Variants in AK5 observed in about 807,000 individuals in gnomAD.
The protein encoded by AK5 is adenylate kinase 5.
In AK5, 27 loss-of-function variants were observed where a neutral mutation model predicts 69.5. That is an observed-to-expected ratio of 0.39 (90% CI 0.29 to 0.54). AK5 has a LOEUF of 0.54. Among genes scored for constraint, AK5 ranks in the 20% least tolerant of loss-of-function variants. The pLI, the probability that AK5 is intolerant of heterozygous loss-of-function variation, is 0.71. For synonymous variants in AK5, 260 were observed against 244.4 expected, an observed-to-expected ratio of 1.06 and a Z score of -0.60; for missense variants, 531 against 700.4, an observed-to-expected ratio of 0.76 and a Z score of 2.73.
intron 8 of AK5, among the ~76,000 whole-genome samples, chr1:77,428,875 T>C (rs1338296498): frequency 1.3e-5 from 2 of 152,176 alleles, no homozygotes; most frequent in Non-Finnish European, 2.9e-5. Context: ...GTCCTTGCGA[T>C]AGTTTGCTGA....
At chr1:77,516,802 G>A (rs557717431) in intron 10 of AK5, among the ~76,000 whole-genome samples, 3 of 152,224 alleles carry the variant, frequency 2.0e-5, no homozygotes, top group East Asian at 3.9e-4. Context: ...CGGCACAGTG[G>A]CTCATGCCTG....
intron 5 of AK5, among the ~76,000 whole-genome samples, chr1:77,318,981 A>T (rs1456085787): frequency 6.6e-6 from 1 of 152,164 alleles, no homozygotes; most frequent in East Asian, 1.9e-4. Context: ...ATAGGACATG[A>T]GGAAAAAATG....
rs554547436 is a variant in AK5 at position 77,553,562 on chromosome 1, G to A, written c.1621-5040G>A. Among the ~76,000 whole-genome samples the A allele has an allele frequency of 2.0e-5, 3 of 152,316 alleles. No homozygotes were observed. The East Asian group carries it at 5.8e-4, about 29-fold the overall frequency. ...GGGGAAGATATGGAGCTGATTTGGGGCAGTGTTTGTGCCAAAGACAAAAAA... is the reference window on the plus strand; with the variant it reads ...GGGGAAGATATGGAGCTGATTTGGGACAGTGTTTGTGCCAAAGACAAAAAA... On this transcript the variant is annotated intron_variant, in intron 13 of 13. Coordinates refer to ENST00000354567, the MANE Select transcript of AK5 (RefSeq NM_174858.3).
intron 6 of AK5, among the ~76,000 whole-genome samples, chr1:77,374,703 T>A (rs1647192102): frequency 6.6e-6 from 1 of 151,934 alleles, no homozygotes; most frequent in South Asian, 2.1e-4. Flanking sequence ...TATTTGTAGT[T>A]CTAGCTACTC....
chr1:77,466,277 A>C (rs530634565), intron 8 of AK5, among the ~76,000 whole-genome samples: 2 of 151,952 alleles, frequency 1.3e-5, no homozygotes, highest in African/African-American at 4.8e-5. Context: ...CACTTGCCCA[A>C]CTCAGAGTCC....
intron 6 of AK5, among the ~76,000 whole-genome samples, chr1:77,354,080 G>A (rs1205253176): frequency 1.3e-5 from 2 of 152,148 alleles, no homozygotes; most frequent in Non-Finnish European, 2.9e-5. Context: ...TCTAAGTGGA[G>A]TTACAGCCAT....
chr1:77,463,172 C>T (rs910395612), intron 8 of AK5, among the ~76,000 whole-genome samples: 1 of 152,170 alleles, frequency 6.6e-6, no homozygotes, highest in South Asian at 2.1e-4. Context: ...AACAAGCACC[C>T]CAACTCCTCC....
At chr1:77,556,964 C>G (rs1660135319) in intron 13 of AK5, among the ~76,000 whole-genome samples, 1 of 151,996 alleles carries the variant, frequency 6.6e-6, no homozygotes, top group Non-Finnish European at 1.5e-5. Flanking sequence ...TCATGTAGAT[C>G]ACCAACCCTC....
rs148321764 is a variant in AK5, at chr1:77,552,614, A to C, written c.1621-5988A>C. 2.4e-3 allele frequency among the ~76,000 whole-genome samples: 373 copies of C among 152,336 alleles called. 1 individual carries two copies. Among genetic ancestry groups the C allele is most frequent in the African/African-American group, 8.6e-3 (359 of 41,578 alleles). Reference sequence around the variant, plus strand: ...GCATTCAAAGGTTGTTGTAATGAGCAAATGTGTTTTTATCAGAGTCTAAAA... The same window carrying C: ...GCATTCAAAGGTTGTTGTAATGAGCCAATGTGTTTTTATCAGAGTCTAAAA... On this transcript the variant is annotated intron_variant, in intron 13 of 13. Transcript: ENST00000354567.
chr1:77,520,674 C>T (rs1175339302), intron 11 of AK5, among the ~76,000 whole-genome samples: 1 of 152,202 alleles, frequency 6.6e-6, no homozygotes, highest in Admixed American at 6.5e-5. Flanking sequence ...CCTGACCACC[C>T]TATAGAAAGT....
chr1:77,491,304 A>ATTTTTTT lies in AK5; in HGVS notation c.1147+4966_1147+4972dup, dbSNP rs10700619. On this transcript the variant is annotated intron_variant, in intron 10 of 13. Coordinates refer to ENST00000354567, the MANE Select transcript of AK5 (RefSeq NM_174858.3). ...TTATTATTAAAAAAACATGAATTGA[A>ATTTTTTT]TTTTTTTTTTTTTTTTTTTTGAGAT... Among the ~76,000 whole-genome samples the ATTTTTTT allele has an allele frequency of 2.0e-3, 172 of 87,342 alleles. 8 individuals are homozygous for ATTTTTTT. Among genetic ancestry groups the ATTTTTTT allele is most frequent in the African/African-American group, 3.8e-3 (86 of 22,466 alleles). The allele number at this position is 87,342 out of a possible 152,430, so 57.3% of individuals were successfully genotyped here.
chr1:77,471,090 G>A (rs1181792247), intron 8 of AK5, among the ~76,000 whole-genome samples: 2 of 150,916 alleles, frequency 1.3e-5, no homozygotes, highest in African/African-American at 4.9e-5. Context: ...CACCGTGTTA[G>A]CCAAGATGGT....
chr1:77,319,955 G>T (rs918309924), intron 5 of AK5, among the ~76,000 whole-genome samples: 1 of 152,152 alleles, frequency 6.6e-6, no homozygotes. Context: ...TCTACAGAAG[G>T]TGTATTAGTC....
intron 6 of AK5, among the ~76,000 whole-genome samples, chr1:77,361,391 C>T (rs558786489): frequency 6.6e-6 from 1 of 152,270 alleles, no homozygotes; most frequent in South Asian, 2.1e-4. Flanking sequence ...GTTTCTCCAT[C>T]TCTAGAATGG....
At chr1:77,292,995 C>T (rs893375871) in intron 2 of AK5, among the ~76,000 whole-genome samples, 2 of 152,174 alleles carry the variant, frequency 1.3e-5, no homozygotes, top group Non-Finnish European at 2.9e-5. Flanking sequence ...TCTTAACACA[C>T]TAACGTATTG....
intron 6 of AK5, among the ~76,000 whole-genome samples, chr1:77,355,275 A>G (rs533142604): frequency 6.6e-6 from 1 of 152,312 alleles, no homozygotes; most frequent in South Asian, 2.1e-4. Context: ...TCATCGGTTC[A>G]ATCTGAATTC....
intron 8 of AK5, among the ~76,000 whole-genome samples, chr1:77,427,259 G>A (rs1321708896): frequency 6.6e-6 from 1 of 151,950 alleles, no homozygotes; most frequent in African/African-American, 2.4e-5. Flanking sequence ...CCTCTAGCCA[G>A]GCTAACCAAG....
At chr1:77,458,820 C>G (rs1653655945) in intron 8 of AK5, among the ~76,000 whole-genome samples, 1 of 152,146 alleles carries the variant, frequency 6.6e-6, no homozygotes, top group African/African-American at 2.4e-5. Context: ...AACATATTCA[C>G]AGCTTCTGGG....
Position 77,558,726 on chromosome 1 carries a change from C to A in AK5, c.*56C>A. 1.6e-6 allele frequency: 2 copies of A among 1,230,510 alleles called. No individual in the cohort carries two copies. Among genetic ancestry groups the A allele is most frequent in the South Asian group, 2.5e-5 (2 of 80,622 alleles). The allele number at this position is 1,230,510 out of a possible 1,614,324, so 76.2% of individuals were successfully genotyped here. A position where few individuals can be genotyped will look rare whatever the true frequency, so the allele number is the denominator to read the frequency against. Reference sequence around the variant, plus strand: ...ACAGAAAAACATTAAAAAGTTCATTCCTTAACACAATGTTTCAAGTTAAAC... The same window carrying A: ...ACAGAAAAACATTAAAAAGTTCATTACTTAACACAATGTTTCAAGTTAAAC... On this transcript the variant is annotated 3_prime_UTR_variant, in exon 14 of 14. Transcript: ENST00000354567.
Sources: gnomAD v4.1 joint callset for allele counts (sites outside exome capture counted in the v4.1 genomes callset) on GRCh38, gnomAD v4.1.1 for gene constraint, MANE v1.5 for transcripts, NCBI Gene and HGNC (gene_info 2026-07-23, HGNC 2026-07-21) for gene names.